Variants in CDIN1 observed in about 807,000 individuals in gnomAD.
CDIN1 encodes CDAN1-interacting nuclease 1.
Under a neutral mutation model 45.3 loss-of-function variants are expected in CDIN1, and 33 were observed. That is an observed-to-expected ratio of 0.73 (90% CI 0.55 to 0.97). CDIN1 has a LOEUF of 0.97. Ranked by LOEUF, CDIN1 falls within the 50% of genes least tolerant of loss-of-function variation. The pLI is 0.00. For missense variants in CDIN1, 303 were observed against 339.4 expected, an observed-to-expected ratio of 0.89 and a Z score of 0.84; for synonymous variants, 118 against 124.4, an observed-to-expected ratio of 0.95 and a Z score of 0.34.
intron 10 of CDIN1, among the ~76,000 whole-genome samples, chr15:36,723,628 A>G (rs1262985320): frequency 1.3e-5 from 2 of 152,136 alleles, no homozygotes; most frequent in Non-Finnish European, 2.9e-5. Context: ...TGAAGTGGGC[A>G]CTCGTAGCTC....
At chr15:36,737,656 G>A (rs913803052) in intron 10 of CDIN1, among the ~76,000 whole-genome samples, 5 of 152,110 alleles carry the variant, frequency 3.3e-5, no homozygotes, top group African/African-American at 4.8e-5. Flanking sequence ...GCAGTTATGG[G>A]ATCAGATCAC....
rs2039449699 is a variant in CDIN1, at chr15:36,626,857, C to T, written c.102-17421C>T. The T allele has an allele frequency of 3.3e-5, 7 of 211,864 alleles. No homozygotes were observed. In the South Asian group the frequency reaches 4.8e-4, roughly 15 times the overall value. 13.1% of individuals were successfully genotyped at this position (211,864 alleles called of 1,614,324 possible). A position where few individuals can be genotyped will look rare whatever the true frequency, so the allele number is the denominator to read the frequency against. On this transcript the variant is annotated intron_variant, in intron 1 of 10. Coordinates refer to ENST00000566621, the MANE Select transcript of CDIN1 (RefSeq NM_001321759.2). ...GCATAGGGGTCATGGCTAAGCTGAGCCAGCATGGGACAATCTGGGCCATGT... is the reference window on the plus strand; with the variant it reads ...GCATAGGGGTCATGGCTAAGCTGAGTCAGCATGGGACAATCTGGGCCATGT...
chr15:36,617,064 A>C, intron 1 of CDIN1: 1 of 774,050 alleles, frequency 1.3e-6, no homozygotes, highest in Non-Finnish European at 2.4e-6. Context: ...AGCTGTGGGA[A>C]CGATTGGGCC....
chr15:36,733,027 T>G (rs1311297220), intron 10 of CDIN1, among the ~76,000 whole-genome samples: 1 of 152,078 alleles, frequency 6.6e-6, no homozygotes, highest in Non-Finnish European at 1.5e-5. Flanking sequence ...TACTTCTTTG[T>G]GCTCTGAAAA....
intron 10 of CDIN1, among the ~76,000 whole-genome samples, chr15:36,798,312 T>A (rs899843555): frequency 2.6e-5 from 4 of 152,234 alleles, no homozygotes; most frequent in African/African-American, 9.6e-5. Context: ...TTTCTAATGA[T>A]CTAGACATTT....
intron 5 of CDIN1, among the ~76,000 whole-genome samples, chr15:36,688,183 A>G (rs2042126627): frequency 6.6e-6 from 1 of 152,080 alleles, no homozygotes; most frequent in Non-Finnish European, 1.5e-5. Flanking sequence ...TACAGTAAAG[A>G]GGATCGACAG....
chr15:36,589,149 G>A (rs143684193), intron 1 of CDIN1, among the ~76,000 whole-genome samples: 3,127 of 152,120 alleles, frequency 0.021, 100 homozygotes, highest in African/African-American at 0.071. Context: ...TGACAAAGTC[G>A]ACTGAATTTG....
intron 10 of CDIN1, among the ~76,000 whole-genome samples, chr15:36,775,288 T>C (rs2054190581): frequency 6.6e-6 from 1 of 152,252 alleles, no homozygotes; most frequent in Non-Finnish European, 1.5e-5. Flanking sequence ...CGTCTAGTTG[T>C]TAAAATATCC....
intron 10 of CDIN1, among the ~76,000 whole-genome samples, chr15:36,723,310 A>G: frequency 6.6e-6 from 1 of 152,108 alleles, no homozygotes; most frequent in East Asian, 1.9e-4. Flanking sequence ...TTTATTTAGT[A>G]AAGAGGATTT....
intron 1 of CDIN1, among the ~76,000 whole-genome samples, chr15:36,616,434 C>T (rs1252539438): frequency 1.3e-5 from 2 of 152,018 alleles, no homozygotes; most frequent in South Asian, 4.2e-4. Flanking sequence ...AAGCATGAGC[C>T]ACTACACCCG....
chr15:36,592,372 C>G (rs554433428), intron 1 of CDIN1, among the ~76,000 whole-genome samples: 2 of 152,318 alleles, frequency 1.3e-5, no homozygotes, highest in Admixed American at 1.3e-4. Flanking sequence ...GGGCTTGCCC[C>G]TTCTCCAGCC....
intron 10 of CDIN1, among the ~76,000 whole-genome samples, chr15:36,807,252 G>A (rs1272480883): frequency 6.6e-6 from 1 of 152,106 alleles, no homozygotes; most frequent in African/African-American, 2.4e-5. Flanking sequence ...ATAAATCATG[G>A]AAGGCAAAAG....
At chr15:36,777,323 C>G (rs2054244366) in intron 10 of CDIN1, among the ~76,000 whole-genome samples, 1 of 151,898 alleles carries the variant, frequency 6.6e-6, no homozygotes, top group Non-Finnish European at 1.5e-5. Flanking sequence ...ACCCACACAC[C>G]CTACCAAACT....
At chr15:36,695,587 C>G (rs996197971) in intron 7 of CDIN1, among the ~76,000 whole-genome samples, 2 of 152,146 alleles carry the variant, frequency 1.3e-5, no homozygotes, top group Admixed American at 6.6e-5. Context: ...TGGCTCACAC[C>G]TGTAATTTCA....
chr15:36,782,797 T>C (rs915942772), intron 10 of CDIN1, among the ~76,000 whole-genome samples: 2 of 152,190 alleles, frequency 1.3e-5, no homozygotes, highest in African/African-American at 4.8e-5. Context: ...TATAAGACTG[T>C]TGTCTTGAGC....
At chr15:36,662,849 T>C (rs1362362677) in intron 5 of CDIN1, among the ~76,000 whole-genome samples, 1 of 104,476 alleles carries the variant, frequency 9.6e-6, no homozygotes, top group East Asian at 2.8e-4. Flanking sequence ...GTGTTTCAGA[T>C]TTTAGTTTTT....
At chr15:36,618,608 A>G in intron 1 of CDIN1, 1 of 824,872 alleles carries the variant, frequency 1.2e-6, no homozygotes, top group Non-Finnish European at 2.2e-6. Flanking sequence ...GATGTTGTTA[A>G]AGGTGTCTAC....
intron 10 of CDIN1, among the ~76,000 whole-genome samples, chr15:36,719,051 C>A (rs1174842411): frequency 6.6e-6 from 1 of 151,438 alleles, no homozygotes; most frequent in Non-Finnish European, 1.5e-5. Context: ...TAGTGAGACC[C>A]TGTTTCTATT....
Position 36,808,890 on chromosome 15 carries a change from A to C in CDIN1, c.*437A>C, listed in dbSNP as rs1416353514. The C allele has an allele frequency of 2.2e-6, 1 of 455,472 alleles. No individual in the cohort carries two copies. The highest frequency in any genetic ancestry group is 2.4e-5 in the Admixed American group (1 of 42,498). The allele number at this position is 455,472 out of a possible 1,614,324, so 28.2% of individuals were successfully genotyped here. A position where few individuals can be genotyped will look rare whatever the true frequency, so the allele number is the denominator to read the frequency against. On this transcript the variant is annotated 3_prime_UTR_variant, in exon 11 of 11. Coordinates refer to ENST00000566621, the MANE Select transcript of CDIN1 (RefSeq NM_001321759.2). ...TGTCTCTCCCTCTCCCTTTCTCTTC[A>C]TGTGCACTCACAGAGACCCAGCATT...
Sources: gnomAD v4.1 joint callset for allele counts (sites outside exome capture counted in the v4.1 genomes callset) on GRCh38, gnomAD v4.1.1 for gene constraint, MANE v1.5 for transcripts, NCBI Gene and HGNC (gene_info 2026-07-23, HGNC 2026-07-21) for gene names.